Variants in PNPLA7 observed in about 807,000 individuals in gnomAD.
PNPLA7 encodes patatin like domain 7, lysophospholipase.
PNPLA7 carries 153 observed loss-of-function variants against 161.7 expected under a neutral mutation model. That is an observed-to-expected ratio of 0.95 (90% CI 0.83 to 1.08). PNPLA7 has a LOEUF of 1.08. PNPLA7 is among the 50% of genes least tolerant of loss of function. PNPLA7 has a pLI of 0.00. For synonymous variants in PNPLA7, 809 were observed against 782.1 expected, an observed-to-expected ratio of 1.03 and a Z score of -0.57; for missense variants, 1,739 against 1,856.6, an observed-to-expected ratio of 0.94 and a Z score of 1.16.
intron 14 of PNPLA7, 46 bp downstream of exon 14, chr9:137,505,568 G>C (rs371275741): frequency 2.5e-6 from 4 of 1,603,916 alleles, no homozygotes; most frequent in Non-Finnish European, 3.4e-6. Context: ...AGGAGGCCAC[G>C]GGCCCTGGGT....
intron 8 of PNPLA7, among the ~76,000 whole-genome samples, chr9:137,531,764 A>G (rs151032490): frequency 6.6e-6 from 1 of 152,360 alleles, no homozygotes; most frequent in Non-Finnish European, 1.5e-5. Flanking sequence ...TTGTATAAGT[A>G]CCAAAGAAAA....
intron 15 of PNPLA7, among the ~76,000 whole-genome samples, chr9:137,501,205 C>T (rs975466148): frequency 6.6e-6 from 1 of 152,222 alleles, no homozygotes; most frequent in Admixed American, 6.5e-5. Context: ...CCCAGCATTC[C>T]TGTGCACGGG....
intron 30 of PNPLA7, 38 bp from the exon 31 acceptor site, chr9:137,462,369 C>T: frequency 6.4e-7 from 1 of 1,562,802 alleles, no homozygotes; most frequent in Non-Finnish European, 8.7e-7. Context: ...CCTGCCCCGG[C>T]CCCTACCCCG....
chr9:137,464,498 C>T, intron 26 of PNPLA7, 42 bp from the exon 27 acceptor site: 1 of 1,562,994 alleles, frequency 6.4e-7, no homozygotes, highest in Non-Finnish European at 8.8e-7. Context: ...TCCACCCTCC[C>T]TGCGGGCTGC....
chr9:137,487,162 T>C (rs1282160528), intron 20 of PNPLA7, among the ~76,000 whole-genome samples: 3 of 152,266 alleles, frequency 2.0e-5, no homozygotes, highest in Non-Finnish European at 4.4e-5. Flanking sequence ...GGTTGCGTGC[T>C]GCGCACCGGC....
At chr9:137,493,847 C>T (rs1289208296) in intron 19 of PNPLA7, among the ~76,000 whole-genome samples, 1 of 152,254 alleles carries the variant, frequency 6.6e-6, no homozygotes, top group African/African-American at 2.4e-5. Context: ...CTGTGAGCTG[C>T]ACTCACATGC....
chr9:137,462,900 CT>C (rs1162582101), intron 29 of PNPLA7, 67 bp from the exon 30 acceptor site: 2 of 1,589,312 alleles, frequency 1.3e-6, no homozygotes, highest in Non-Finnish European at 1.7e-6. Flanking sequence ...GGGGCAGAGC[CT>C]GCCTCTCCGA....
At chr9:137,522,880 C>A in intron 8 of PNPLA7, 23 bp from the exon 9 acceptor site, 1 of 1,611,082 alleles carries the variant, frequency 6.2e-7, no homozygotes, top group South Asian at 1.1e-5. Context: ...CTCCATCAGT[C>A]CCCACTCTGT....
At chr9:137,483,209 G>A (rs992571238) in intron 21 of PNPLA7, among the ~76,000 whole-genome samples, 3 of 152,042 alleles carry the variant, frequency 2.0e-5, no homozygotes, top group African/African-American at 4.8e-5. Flanking sequence ...TTTATGTGAC[G>A]TGGGACAGCT....
Position 137,547,398 on chromosome 9 carries a change from T to C in PNPLA7, c.106-2A>G. ...GGCTCCAACTGCAATCCCCGTCAGC[T>C]GGCCGAGAGTGGAAACACGGCGCCC... is the stretch of plus-strand genomic sequence containing the variant. On this transcript the variant is annotated splice_acceptor_variant, in intron 2 of 34. Coordinates refer to ENST00000406427, the MANE Select transcript of PNPLA7 (RefSeq NM_001098537.3). LOFTEE classifies it high-confidence loss of function. The surrounding 1 kb of genome is among the most constrained non-coding windows in gnomAD (Gnocchi z 4.6). 1.2e-6 allele frequency: 2 copies of C among 1,613,312 alleles called. No individual in the cohort carries two copies. The highest frequency in any genetic ancestry group is 1.1e-5 in the South Asian group (1 of 91,082).
In PNPLA7 at chr9:137,479,097, A is replaced by T; in HGVS notation, c.2722T>A (p.Cys908Ser). 6.2e-7 allele frequency: 1 copy of T among 1,600,290 alleles called. No individual in the cohort carries two copies. Among genetic ancestry groups the T allele is most frequent in the African/African-American group, 1.3e-5 (1 of 74,854 alleles). ...SWCSGHLHLC[C>S]PRRVFSRRSL... ...CTCCTGGAGAAGACGCGGCGCGGGC[A>T]GCAGAGGTGCAGGTGGCCGGAGCAC... The change falls in exon 24 of 35, where the codon TGC (cysteine) becomes AGC (serine). Residue 908 changes from cysteine (C) to serine (S), a missense_variant. Physicochemically the swap from Cys to Ser is moderately radical, Grantham distance 112. Around this residue, in one of 6 missense-constraint regions of PNPLA7, gnomAD observed 703 missense variants for 694.6 expected, o/e 1.01. Transcript: ENST00000406427.
intron 11 of PNPLA7, among the ~76,000 whole-genome samples, chr9:137,518,453 C>T (rs1217995058): frequency 6.3e-5 from 5 of 79,400 alleles, no homozygotes; most frequent in African/African-American, 2.8e-4. Context: ...CCATCCCCCA[C>T]TCACTCACTC....
chr9:137,489,097 C>T (rs1206231980), intron 20 of PNPLA7, among the ~76,000 whole-genome samples: 1 of 152,118 alleles, frequency 6.6e-6, no homozygotes, highest in Non-Finnish European at 1.5e-5. Context: ...GACATCCCCC[C>T]AACTGTGCAC....
chr9:137,496,831 C>T (rs1275207776), intron 18 of PNPLA7, among the ~76,000 whole-genome samples: 2 of 152,252 alleles, frequency 1.3e-5, no homozygotes, highest in East Asian at 3.8e-4. Context: ...CTGTGAGACC[C>T]AGACCAGCTG....
chr9:137,518,704 T>C (rs1476277828), intron 11 of PNPLA7, among the ~76,000 whole-genome samples: 32 of 66,176 alleles, frequency 4.8e-4, no homozygotes, highest in Non-Finnish European at 7.1e-4. Flanking sequence ...TCCACTCTGC[T>C]CACTCCATCC....
At position 137,524,062 on chromosome 9, in the gene PNPLA7, A is replaced by C. The variant is rs917535539; in HGVS notation, c.748-1205T>G. On this transcript the variant is annotated intron_variant, in intron 8 of 34. Transcript: ENST00000406427. This position sits in a 1 kb window ranked among gnomAD's most constrained non-coding sequence, Gnocchi z 4.4. ...GCATTTTCACCCCCACCACAGAAAC[A>C]GAACAATCCCAACCTCCAATGCCCC... Among the ~76,000 whole-genome samples the C allele has an allele frequency of 7.2e-5, 11 of 152,228 alleles. No homozygotes were observed. Among genetic ancestry groups the C allele is most frequent in the African/African-American group, 2.7e-4 (11 of 41,466 alleles).
intron 25 of PNPLA7, among the ~76,000 whole-genome samples, chr9:137,471,597 C>A (rs905228261): frequency 0.01 from 1,064 of 104,646 alleles, no homozygotes; most frequent in Admixed American, 0.011. Flanking sequence ...GACTCCGTCT[C>A]AAAAAAAAAA....
At chr9:137,498,581 C>T (rs535153978) in intron 16 of PNPLA7, among the ~76,000 whole-genome samples, 8 of 152,352 alleles carry the variant, frequency 5.3e-5, no homozygotes, top group East Asian at 3.9e-4. Flanking sequence ...AATGCACACT[C>T]GGGCCGTGGG....
At chr9:137,518,336 C>A (rs1834755811) in intron 11 of PNPLA7, among the ~76,000 whole-genome samples, 1 of 112,330 alleles carries the variant, frequency 8.9e-6, no homozygotes. Flanking sequence ...CTCACTCACT[C>A]CACTCTGCTC....
Sources: allele counts gnomAD v4.1 joint callset (sites outside exome capture counted in the v4.1 genomes callset), GRCh38; gene constraint gnomAD v4.1.1; regional missense constraint gnomAD v4.1.1; non-coding constraint Gnocchi (gnomAD v3.1); transcripts MANE v1.5; gene names NCBI Gene and HGNC (gene_info 2026-07-23, HGNC 2026-07-21).